ARHGAP19: variants seen among roughly 807,000 people sequenced by gnomAD.
ARHGAP19 encodes the protein rho GTPase-activating protein 19.
ARHGAP19 carries 48 observed loss-of-function variants against 60.9 expected under a neutral mutation model. The ratio of observed to expected loss-of-function variants is 0.79; its 90% confidence interval spans 0.62 to 1.00. The LOEUF (loss-of-function observed/expected upper bound fraction) is 1.00, where lower values mean the gene tolerates loss of function less well. Ranked by LOEUF, ARHGAP19 falls within the 50% of genes least tolerant of loss-of-function variation. ARHGAP19 has a pLI of 0.00. For missense variants in ARHGAP19, 562 were observed against 597.2 expected (o/e 0.94, Z 0.61); for synonymous variants, 209 against 215.5 (o/e 0.97, Z 0.27).
chr10:97,239,551 GGTGTGTGTGTGTGTGTGTGTGTGT>G (rs201308961), intron 8 of ARHGAP19, among the ~76,000 whole-genome samples: 4 of 20,218 alleles, frequency 2.0e-4, no homozygotes, highest in Admixed American at 7.0e-4. Flanking sequence ...AGAGAGAGAG[GGTGTGTGTGTGTGTGTGTGTGTGT>G]GTGTGTGTGT....
intron 5 of ARHGAP19, among the ~76,000 whole-genome samples, chr10:97,257,267 G>A (rs1444445466): frequency 7.5e-6 from 1 of 134,120 alleles, no homozygotes; most frequent in Admixed American, 7.7e-5. Context: ...TACTTTATCT[G>A]TTTGCTTTTA....
intron 9 of ARHGAP19, 85 bp from the exon 10 acceptor site, chr10:97,229,959 C>T: frequency 1.0e-6 from 1 of 986,118 alleles, no homozygotes. Context: ...ACTGTAATGT[C>T]CTTGGGTTAA....
intron 8 of ARHGAP19, among the ~76,000 whole-genome samples, chr10:97,239,829 T>C (rs1410451783): frequency 6.6e-6 from 1 of 151,834 alleles, no homozygotes; most frequent in African/African-American, 2.4e-5. Context: ...TGCCTCAGCC[T>C]CCCGAGTAGC....
In ARHGAP19 at chr10:97,224,920, G is replaced by T. The variant is rs1850867850; in HGVS notation, c.*1202C>A. On this transcript the variant is annotated 3_prime_UTR_variant, in exon 12 of 12. Transcript: ENST00000358531. The stretch of plus-strand genomic sequence containing the variant: ...TACCACCTGTGTCCCTTCTGACAAA[G>T]AGAGGGCGGAACAGTAACACTCCTT... 6.6e-6 allele frequency: 1 copy of T among 152,394 alleles called. No homozygotes were observed. The highest frequency in any genetic ancestry group is 2.4e-5 in the African/African-American group (1 of 41,466). 9.4% of individuals were successfully genotyped at this position (152,394 alleles called of 1,614,324 possible).
intron 1 of ARHGAP19, chr10:97,275,185 T>A: frequency 6.8e-4 from 1 of 1,462 alleles, no homozygotes; most frequent in African/African-American, 7.1e-4. Flanking sequence ...AAGTGAGGAG[T>A]GTCTCTGCCT....
At chr10:97,281,690 A>G (rs1039542011) in intron 1 of ARHGAP19, among the ~76,000 whole-genome samples, 1 of 152,224 alleles carries the variant, frequency 6.6e-6, no homozygotes, top group Non-Finnish European at 1.5e-5. Flanking sequence ...CGCGATTTCA[A>G]ATAGTAGCTA....
At chr10:97,270,884 T>C (rs946264247) in intron 1 of ARHGAP19, among the ~76,000 whole-genome samples, 3 of 152,192 alleles carry the variant, frequency 2.0e-5, no homozygotes, top group African/African-American at 4.8e-5. Context: ...AAAAGCAGAC[T>C]CCCATCACCA....
chr10:97,292,347 G>A (rs1477225075), intron 1 of ARHGAP19, among the ~76,000 whole-genome samples: 5 of 152,262 alleles, frequency 3.3e-5, no homozygotes, highest in Admixed American at 6.5e-5. Flanking sequence ...CAGCGCAGCG[G>A]GAGGAGCCCC....
At chr10:97,290,292 C>G (rs1204735061) in intron 1 of ARHGAP19, among the ~76,000 whole-genome samples, 1 of 152,228 alleles carries the variant, frequency 6.6e-6, no homozygotes, top group African/African-American at 2.4e-5. Context: ...TCCCATCCCT[C>G]CGGATCTGGC....
At chr10:97,233,162 G>A (rs974655855) in intron 9 of ARHGAP19, among the ~76,000 whole-genome samples, 1 of 151,720 alleles carries the variant, frequency 6.6e-6, no homozygotes, top group African/African-American at 2.4e-5. Context: ...AAAAAGACCA[G>A]CAACACAGCA....
intron 8 of ARHGAP19, among the ~76,000 whole-genome samples, chr10:97,243,510 ACT>A (rs1046808644): frequency 9.2e-5 from 14 of 152,162 alleles, no homozygotes; most frequent in African/African-American, 3.4e-4. Context: ...ACTGCAAACA[ACT>A]CTGTTAGTAA....
chr10:97,257,714 C>T (rs1198679866), intron 5 of ARHGAP19, among the ~76,000 whole-genome samples: 1 of 152,134 alleles, frequency 6.6e-6, no homozygotes, highest in African/African-American at 2.4e-5. Flanking sequence ...GATGTGTCTT[C>T]TGCTCCCCCT....
intron 1 of ARHGAP19, among the ~76,000 whole-genome samples, chr10:97,284,225 C>T (rs1359245171): frequency 2.6e-5 from 4 of 152,130 alleles, no homozygotes; most frequent in Non-Finnish European, 5.9e-5. Flanking sequence ...CAGGTTCAAG[C>T]GATTCTCTTG....
intron 1 of ARHGAP19, among the ~76,000 whole-genome samples, chr10:97,288,536 G>A (rs186612258): frequency 6.7e-6 from 1 of 149,612 alleles, no homozygotes; most frequent in Admixed American, 6.7e-5. Flanking sequence ...AGCTGAGATC[G>A]TGCCACTACA....
At chr10:97,274,529 G>C (rs1178018236) in intron 1 of ARHGAP19, among the ~76,000 whole-genome samples, 2 of 151,996 alleles carry the variant, frequency 1.3e-5, no homozygotes, top group African/African-American at 4.8e-5. Context: ...TGAGCTATGC[G>C]AAAAGGGGAG....
Position 97,257,873 on chromosome 10 carries a change from C to T in ARHGAP19, c.841-1469G>A, listed in dbSNP as rs562509039. Among the ~76,000 whole-genome samples the T allele has an allele frequency of 2.6e-5, 4 of 152,150 alleles. No individual in the cohort carries two copies. The East Asian group carries it at 5.8e-4, about 22-fold the overall frequency. ...AAAATTTTTTATAAATTACTATAACCTATTTCTATTATCTTCCCAACAGCC... is the reference window on the plus strand; with the variant it reads ...AAAATTTTTTATAAATTACTATAACTTATTTCTATTATCTTCCCAACAGCC... On this transcript the variant is annotated intron_variant, in intron 5 of 11. Coordinates refer to ENST00000358531, the MANE Select transcript of ARHGAP19 (RefSeq NM_032900.6).
intron 1 of ARHGAP19, among the ~76,000 whole-genome samples, chr10:97,269,645 C>G (rs1157801920): frequency 1.3e-5 from 2 of 152,038 alleles, no homozygotes; most frequent in Non-Finnish European, 2.9e-5. Flanking sequence ...AAATTACTAC[C>G]CTATCAGGAG....
chr10:97,252,256 T>A (rs574265779), intron 6 of ARHGAP19, among the ~76,000 whole-genome samples: 36 of 150,650 alleles, frequency 2.4e-4, no homozygotes, highest in African/African-American at 8.8e-4. Context: ...AGTAGGAGGA[T>A]CACTTGAGCT....
Position 97,259,594 on chromosome 10 carries a change from G to C in ARHGAP19, c.648C>G (p.Thr216=). ...LMQFDDKGNK[T]NIPDKDRQIE... ...TTTGCCGGTCCTTGTCTGGTATATT[G>C]GTCTTGTTTCCTTTATCATCAAACT... The change falls in exon 5 of 12, where the codon ACC becomes ACG. Residue 216 remains threonine (T), a synonymous_variant. Coordinates refer to ENST00000358531, the MANE Select transcript of ARHGAP19 (RefSeq NM_032900.6). The C allele has an allele frequency of 6.2e-7, 1 of 1,614,048 alleles. No individual in the cohort carries two copies. The highest frequency in any genetic ancestry group is 8.5e-7 in the Non-Finnish European group (1 of 1,179,988).
Sources: allele counts gnomAD v4.1 joint callset (sites outside exome capture counted in the v4.1 genomes callset), GRCh38; gene constraint gnomAD v4.1.1; transcripts MANE v1.5; gene names NCBI Gene and HGNC (gene_info 2026-07-23, HGNC 2026-07-21).